The following CGNL1 variants were observed in gnomAD, a reference collection of about 807,000 sequenced individuals.
CGNL1 encodes cingulin like 1.
CGNL1 carries 132 observed loss-of-function variants against 141.2 expected under a neutral mutation model. That is an observed-to-expected ratio of 0.93 (90% CI 0.81 to 1.08). The LOEUF (loss-of-function observed/expected upper bound fraction) is 1.08, where lower values mean the gene tolerates loss of function less well. Ranked by LOEUF, CGNL1 falls within the 50% of genes least tolerant of loss-of-function variation. The pLI is 0.00. For synonymous variants in CGNL1, 690 were observed against 622.1 expected, an observed-to-expected ratio of 1.11 and a Z score of -1.63; for missense variants, 1,870 against 1,588.6, an observed-to-expected ratio of 1.18 and a Z score of -3.01.
At chr15:57,502,150 A>G (rs2064033985) in intron 8 of CGNL1, among the ~76,000 whole-genome samples, 2 of 152,180 alleles carry the variant, frequency 1.3e-5, no homozygotes, top group South Asian at 2.1e-4. Flanking sequence ...AGGACCTTGG[A>G]CAGTTTAGCC....
chr15:57,525,017 C>T (rs185483157), intron 12 of CGNL1, among the ~76,000 whole-genome samples: 41 of 152,294 alleles, frequency 2.7e-4, no homozygotes, highest in African/African-American at 9.9e-4. Context: ...AAATGTTTAG[C>T]TGCCATTTAT....
chr15:57,502,452 G>C (rs2064038582), intron 8 of CGNL1, among the ~76,000 whole-genome samples: 1 of 152,208 alleles, frequency 6.6e-6, no homozygotes, highest in African/African-American at 2.4e-5. Flanking sequence ...ATTCAAATTA[G>C]GGTTTCAACC....
Position 57,438,933 on chromosome 15 carries a change from T to C in CGNL1, c.934T>C (p.Phe312Leu), listed in dbSNP as rs1382961337. Residue 312 changes from phenylalanine (F) to leucine (L), a missense_variant, in exon 2 of 19, where the codon TTT becomes CTT. Phe to Leu is a conservative substitution (Grantham distance 22). Coordinates refer to ENST00000281282, the MANE Select transcript of CGNL1 (RefSeq NM_032866.5). ...CACGTCAGCCAACTCTTTGTACAGG[T>C]TTTTACTGGATGATCAGGAATGTGC... The part of the protein sequence containing the change: ...TPTSANSLYR[F>L]LLDDQECAIH... 1.2e-6 allele frequency: 2 copies of C among 1,614,058 alleles called. No homozygotes were observed. The highest frequency in any genetic ancestry group is 1.7e-6 in the Non-Finnish European group (2 of 1,179,998).
chr15:57,418,288 C>T (rs78528143), intron 1 of CGNL1, among the ~76,000 whole-genome samples: 1 of 152,256 alleles, frequency 6.6e-6, no homozygotes, highest in South Asian at 2.1e-4. Flanking sequence ...GCTAAACAAG[C>T]GTAATGAATA....
chr15:57,390,509 A>C (rs1331664976), intron 1 of CGNL1, among the ~76,000 whole-genome samples: 6 of 152,220 alleles, frequency 3.9e-5, no homozygotes, highest in Non-Finnish European at 8.8e-5. Context: ...TCGAAGTCAT[A>C]TGGCAAAGAA....
chr15:57,446,497 G>A lies in CGNL1; in HGVS notation c.1803+4019G>A, dbSNP rs142100615. On this transcript the variant is annotated intron_variant, in intron 4 of 18. Transcript: ENST00000281282. Reference sequence around the variant, plus strand: ...TTATAATAAGTATTCTCGTGTGTCCGGCTTCATTTCCTCAACATTATATCA... The same window carrying A: ...TTATAATAAGTATTCTCGTGTGTCCAGCTTCATTTCCTCAACATTATATCA... 2.4e-3 allele frequency among the ~76,000 whole-genome samples: 371 copies of A among 151,940 alleles called. 3 individuals are homozygous for A. Among genetic ancestry groups the A allele is most frequent in the African/African-American group, 7.9e-3 (329 of 41,408 alleles).
At chr15:57,473,893 CTTCTTCTTTT>C (rs1345982310) in intron 8 of CGNL1, among the ~76,000 whole-genome samples, 4 of 108,158 alleles carry the variant, frequency 3.7e-5, no homozygotes, top group Non-Finnish European at 7.4e-5. Context: ...TCTTCTTCTT[CTTCTTCTTTT>C]TTTTTTTTTT....
At chr15:57,428,979 C>T (rs548142452) in intron 1 of CGNL1, among the ~76,000 whole-genome samples, 246 of 151,910 alleles carry the variant, frequency 1.6e-3, no homozygotes, top group Admixed American at 5.1e-3. Flanking sequence ...GCCGAGATTG[C>T]GCCACTGCAC....
intron 1 of CGNL1, among the ~76,000 whole-genome samples, chr15:57,389,050 A>C (rs1334756501): frequency 1.6e-4 from 25 of 152,090 alleles, no homozygotes; most frequent in African/African-American, 6.0e-4. Context: ...TTTAAATTTA[A>C]ATTTTGGGCA....
intron 14 of CGNL1, among the ~76,000 whole-genome samples, chr15:57,537,990 T>C (rs554356861): frequency 4.0e-5 from 6 of 150,998 alleles, no homozygotes; most frequent in African/African-American, 1.2e-4. Flanking sequence ...AGCCAAGCCA[T>C]AGGTTTTTCC....
At chr15:57,465,483 T>A (rs1398952012) in intron 8 of CGNL1, among the ~76,000 whole-genome samples, 1 of 147,614 alleles carries the variant, frequency 6.8e-6, no homozygotes, top group South Asian at 2.2e-4. Flanking sequence ...CTCCACCTCC[T>A]GGGTTCAAGT....
intron 1 of CGNL1, among the ~76,000 whole-genome samples, chr15:57,390,322 C>T (rs2062528593): frequency 6.6e-6 from 1 of 152,166 alleles, no homozygotes; most frequent in Non-Finnish European, 1.5e-5. Context: ...TTGCCTTGGG[C>T]AGATTACAGA....
At chr15:57,452,370 T>C in intron 6 of CGNL1, 81 bp downstream of exon 6, 2 of 1,259,282 alleles carry the variant, frequency 1.6e-6, no homozygotes, top group South Asian at 3.2e-5. Flanking sequence ...CATTTAATAC[T>C]ACCCAGCCTT....
At chr15:57,533,421 G>T (rs998509115) in intron 14 of CGNL1, among the ~76,000 whole-genome samples, 4 of 152,140 alleles carry the variant, frequency 2.6e-5, no homozygotes, top group Non-Finnish European at 4.4e-5. Flanking sequence ...TTTGTGATGA[G>T]CCCCTGCCAG....
chr15:57,382,737 A>G (rs2062437724), intron 1 of CGNL1, among the ~76,000 whole-genome samples: 1 of 152,152 alleles, frequency 6.6e-6, no homozygotes. Context: ...CACATAGGGA[A>G]GAGGAACGAC....
Position 57,462,464 on chromosome 15 carries a change from C to A in CGNL1, c.2403+572C>A, listed in dbSNP as rs961462224. Reference sequence around the variant, plus strand: ...TCCTACAAATAGATTCAAAATTATGCTGAAGTCTTTTGGGGCAGACGTCAT... The same window carrying A: ...TCCTACAAATAGATTCAAAATTATGATGAAGTCTTTTGGGGCAGACGTCAT... On this transcript the variant is annotated intron_variant, in intron 8 of 18. Coordinates refer to ENST00000281282, the MANE Select transcript of CGNL1 (RefSeq NM_032866.5). 1.4e-4 allele frequency among the ~76,000 whole-genome samples: 22 copies of A among 152,126 alleles called. 1 individual carries two copies. The highest frequency in any genetic ancestry group is 4.4e-5 in the Non-Finnish European group (3 of 68,038).
chr15:57,442,182 G>GAAAAAAAAAAAAAAAAAAAAAAAAA (rs61564944), intron 3 of CGNL1, among the ~76,000 whole-genome samples, 191 bp from the exon 4 acceptor site: 10 of 96,508 alleles, frequency 1.0e-4, no homozygotes, highest in East Asian at 7.1e-4. Flanking sequence ...TCATTTATTT[G>GAAAAAAAAAAAAAAAAAAAAAAAAA]AAAAAAAAAA....
chr15:57,542,570 C>T (rs1453714465), intron 14 of CGNL1, among the ~76,000 whole-genome samples: 4 of 152,194 alleles, frequency 2.6e-5, no homozygotes, highest in Non-Finnish European at 5.9e-5. Flanking sequence ...GAGTGTTCAG[C>T]CTTTGTCAGG....
In CGNL1 at chr15:57,518,645, C is replaced by T. The variant is rs992818159; in HGVS notation, c.2715+148C>T. 25 of 627,532 alleles carry T rather than the reference C, an allele frequency of 4.0e-5. No homozygotes were observed. In the East Asian group the frequency reaches 4.4e-4, roughly 11 times the overall value. The allele number at this position is 627,532 out of a possible 1,614,324, so 38.9% of individuals were successfully genotyped here. On this transcript the variant is annotated intron_variant, in intron 10 of 18. Coordinates refer to ENST00000281282, the MANE Select transcript of CGNL1 (RefSeq NM_032866.5). ...TAACCACTCAGTTATTTGAACTATC[C>T]GTCTAGACCAGCGATTCTCAACTGG...
Sources: allele counts gnomAD v4.1 joint callset (sites outside exome capture counted in the v4.1 genomes callset), GRCh38; gene constraint gnomAD v4.1.1; transcripts MANE v1.5; gene names NCBI Gene and HGNC (gene_info 2026-07-23, HGNC 2026-07-21).